The following CELF2 variants were observed in gnomAD, a reference collection of about 807,000 sequenced individuals.
The protein encoded by CELF2 is CUGBP Elav-like family member 2.
CELF2 carries 8 observed loss-of-function variants against 62.6 expected under a neutral mutation model. That is an observed-to-expected ratio of 0.13 (90% CI 0.07 to 0.23). The LOEUF (loss-of-function observed/expected upper bound fraction) is 0.23. Ranked by LOEUF, CELF2 falls within the 10% of genes least tolerant of loss-of-function variation. The probability of loss-of-function intolerance (pLI) is 1.00; values close to 1 mark genes in which losing one functional copy is unlikely to be tolerated. For synonymous variants in CELF2, 258 were observed against 250.0 expected (o/e 1.03, Z -0.30); for missense variants, 333 against 671.0 (o/e 0.50, Z 5.56).
At chr10:10,996,406 T>C (rs183597203) in intron 2 of CELF2, among the ~76,000 whole-genome samples, 2 of 152,280 alleles carry the variant, frequency 1.3e-5, no homozygotes. Flanking sequence ...AGGCAAGGAT[T>C]TTATTCGACC....
the CELF2 span, among the ~76,000 whole-genome samples, chr10:10,484,596 C>A: frequency 9.0e-3 from 1,362 of 151,752 alleles, 15 homozygotes; most frequent in Middle Eastern, 0.017. Flanking sequence ...GGATTACAGG[C>A]ATGAGCCACC....
At chr10:11,326,885 A>G (rs1324998324) in intron 12 of CELF2, among the ~76,000 whole-genome samples, 1 of 152,176 alleles carries the variant, frequency 6.6e-6, no homozygotes, top group Non-Finnish European at 1.5e-5. Flanking sequence ...GGAAACACAC[A>G]GAATTCTGTG....
chr10:11,305,950 G>A lies in CELF2; in HGVS notation c.977-8189G>A, dbSNP rs150374609. 6.6e-6 allele frequency among the ~76,000 whole-genome samples: 1 copy of A among 152,278 alleles called. No homozygotes were observed. The highest frequency in any genetic ancestry group is 1.9e-4 in the East Asian group (1 of 5,168). ...GCCCCACAAACAGTTTTCACAAAAG[G>A]CCACAGACTTTGTCTGCACATGAGC... On this transcript the variant is annotated intron_variant, in intron 9 of 12. Coordinates refer to ENST00000633077, the MANE Select transcript of CELF2 (RefSeq NM_001326342.2). This position sits in a 1 kb window ranked among gnomAD's most constrained non-coding sequence, Gnocchi z 4.8.
intron 1 of CELF2, among the ~76,000 whole-genome samples, chr10:10,857,648 A>ATAT (rs1564727117): frequency 2.3e-4 from 9 of 38,810 alleles, no homozygotes; most frequent in African/African-American, 5.2e-4. Flanking sequence ...ACATATATAT[A>ATAT]GTATATATAT....
At chr10:11,213,793 T>C (rs1386777957) in intron 2 of CELF2, among the ~76,000 whole-genome samples, 2 of 152,196 alleles carry the variant, frequency 1.3e-5, no homozygotes, top group African/African-American at 4.8e-5. Context: ...CCTGCAAATT[T>C]TAATAAAACT....
chr10:10,602,598 C>T, the CELF2 span, among the ~76,000 whole-genome samples: 11 of 152,200 alleles, frequency 7.2e-5, no homozygotes, highest in Middle Eastern at 3.4e-3. Flanking sequence ...CAAACTCAGA[C>T]GTGGTGATCA....
chr10:10,483,774 T>C, the CELF2 span, among the ~76,000 whole-genome samples: 1,689 of 152,112 alleles, frequency 0.011, 30 homozygotes, highest in African/African-American at 0.039. Flanking sequence ...ACGCAAAATA[T>C]TCTGTAAAGA....
chr10:10,755,336 A>T, the CELF2 span, among the ~76,000 whole-genome samples: 1 of 152,158 alleles, frequency 6.6e-6, no homozygotes, highest in Admixed American at 6.5e-5. Context: ...AATTCTAATC[A>T]TATTGTTCTG....
At chr10:10,940,419 A>T (rs2046927448) in intron 2 of CELF2, among the ~76,000 whole-genome samples, 1 of 152,172 alleles carries the variant, frequency 6.6e-6, no homozygotes, top group South Asian at 2.1e-4. Context: ...TCATGCAGGG[A>T]AAGGAGTAGT....
chr10:10,623,012 G>A, the CELF2 span, among the ~76,000 whole-genome samples: 1 of 147,602 alleles, frequency 6.8e-6, no homozygotes, highest in African/African-American at 2.6e-5. Context: ...CCTGAACCCG[G>A]GAGGCGGAGC....
chr10:10,729,107 T>G, the CELF2 span, among the ~76,000 whole-genome samples: 1 of 152,078 alleles, frequency 6.6e-6, no homozygotes, highest in Admixed American at 6.6e-5. Flanking sequence ...TAGCTAAAGG[T>G]TTTGAGGTTT....
At chr10:11,256,772 G>A (rs545791808) in intron 4 of CELF2, among the ~76,000 whole-genome samples, 2 of 151,866 alleles carry the variant, frequency 1.3e-5, no homozygotes, top group South Asian at 2.1e-4. Context: ...CATTTCCCGA[G>A]CACAAGCATG....
At chr10:11,163,468 C>T (rs1320089244) in intron 1 of CELF2, among the ~76,000 whole-genome samples, 1 of 152,182 alleles carries the variant, frequency 6.6e-6, no homozygotes, top group Non-Finnish European at 1.5e-5. Flanking sequence ...GCCACAGACC[C>T]ACAGGGTTCA....
At chr10:11,169,170 G>C (rs1450188665) in intron 2 of CELF2, 1 of 152,334 alleles carries the variant, frequency 6.6e-6, no homozygotes, top group East Asian at 1.9e-4. Flanking sequence ...GTAGGAGCTG[G>C]TTATGGCAGT....
Position 11,224,435 on chromosome 10 carries a change from A to G in CELF2, c.354+6928A>G. ...TCAGAGATAATCATTTCTCTACGAC[A>G]GCCCAAGATTAAACTGGGAATATGC... On this transcript the variant is annotated intron_variant, in intron 3 of 12. Transcript: ENST00000633077. This position sits in a 1 kb window ranked among gnomAD's most constrained non-coding sequence, Gnocchi z 4.5. Among the ~76,000 whole-genome samples the G allele has an allele frequency of 6.6e-6, 1 of 152,208 alleles. No individual in the cohort carries two copies. Among genetic ancestry groups the G allele is most frequent in the Non-Finnish European group, 1.5e-5 (1 of 68,040 alleles).
chr10:10,865,130 C>A (rs113935213), intron 1 of CELF2, among the ~76,000 whole-genome samples: 5 of 152,156 alleles, frequency 3.3e-5, no homozygotes, highest in African/African-American at 1.2e-4. Flanking sequence ...TAAACAGAAT[C>A]ACCATTAAAC....
intron 1 of CELF2, among the ~76,000 whole-genome samples, chr10:10,848,031 T>C (rs1161711656): frequency 6.6e-6 from 1 of 152,148 alleles, no homozygotes; most frequent in Non-Finnish European, 1.5e-5. Flanking sequence ...TCTCCCTCTC[T>C]CCTTTCTCTT....
intron 8 of CELF2, among the ~76,000 whole-genome samples, chr10:11,282,119 C>G (rs1032424982): frequency 6.6e-6 from 1 of 152,204 alleles, no homozygotes; most frequent in African/African-American, 2.4e-5. Flanking sequence ...CTATGCTGGA[C>G]CAGCCCTTTC....
At chr10:10,550,702 T>G in the CELF2 span, among the ~76,000 whole-genome samples, 17,540 of 142,904 alleles carry the variant, frequency 0.12, 1,270 homozygotes, top group Non-Finnish European at 0.17. Flanking sequence ...ATGTGATGTC[T>G]TTTTTTTTTT....
Sources: allele counts gnomAD v4.1 joint callset (sites outside exome capture counted in the v4.1 genomes callset), GRCh38; gene constraint gnomAD v4.1.1; non-coding constraint Gnocchi (gnomAD v3.1); transcripts MANE v1.5; gene names NCBI Gene and HGNC (gene_info 2026-07-23, HGNC 2026-07-21).